SH3RF3: variants seen among roughly 807,000 people sequenced by gnomAD.
The protein encoded by SH3RF3 is SH3 domain containing ring finger 3, also known as E3 ubiquitin-protein ligase SH3RF3.
A neutral mutation model predicts 66.3 loss-of-function variants in SH3RF3; 29 were observed. That is an observed-to-expected ratio of 0.44 (90% confidence interval 0.33 to 0.60). The LOEUF is 0.60. SH3RF3 is among the 20% of genes least tolerant of loss of function. The pLI is 0.04. For synonymous variants in SH3RF3, 583 were observed against 532.0 expected (o/e 1.10, Z -1.32); for missense variants, 1,194 against 1,190.9 (o/e 1.00, Z -0.04).
intron 1 of SH3RF3, among the ~76,000 whole-genome samples, chr2:109,323,143 C>T (rs576290160): frequency 2.0e-5 from 3 of 152,246 alleles, no homozygotes; most frequent in East Asian, 1.9e-4. Context: ...AGAGAGGCCT[C>T]GGCTTCCAGA....
At chr2:109,405,232 A>T (rs1676423503) in intron 4 of SH3RF3, among the ~76,000 whole-genome samples, 1 of 152,088 alleles carries the variant, frequency 6.6e-6, no homozygotes, top group African/African-American at 2.4e-5. Context: ...GGAGCAACCG[A>T]TGACACCCCT....
chr2:109,199,116 T>C (rs1419721808), intron 1 of SH3RF3, among the ~76,000 whole-genome samples: 2 of 151,786 alleles, frequency 1.3e-5, no homozygotes, highest in African/African-American at 2.4e-5. Flanking sequence ...TCCCAGCACT[T>C]TGGGAGGCTG....
At chr2:109,169,768 A>G (rs1677717433) in intron 1 of SH3RF3, among the ~76,000 whole-genome samples, 1 of 152,026 alleles carries the variant, frequency 6.6e-6, no homozygotes, top group Non-Finnish European at 1.5e-5. Context: ...ACACACACAC[A>G]CACATGACCC....
At chr2:109,200,646 C>A (rs1287387313) in intron 1 of SH3RF3, among the ~76,000 whole-genome samples, 1 of 152,152 alleles carries the variant, frequency 6.6e-6, no homozygotes, top group African/African-American at 2.4e-5. Context: ...CCTGCCCCAC[C>A]CCTACCTGGC....
intron 1 of SH3RF3, among the ~76,000 whole-genome samples, chr2:109,304,244 C>T (rs973685791): frequency 2.6e-5 from 4 of 152,198 alleles, no homozygotes; most frequent in Non-Finnish European, 5.9e-5. Context: ...ACCAACACCT[C>T]CCCATTCCAA....
chr2:109,369,342 C>T (rs1239860857), intron 2 of SH3RF3, among the ~76,000 whole-genome samples: 2 of 151,932 alleles, frequency 1.3e-5, no homozygotes, highest in Admixed American at 6.6e-5. Flanking sequence ...CACAAGACTC[C>T]GTCTAAAAAA....
chr2:109,352,209 TC>T (rs1259459374), intron 2 of SH3RF3, among the ~76,000 whole-genome samples: 4 of 152,236 alleles, frequency 2.6e-5, no homozygotes, highest in Admixed American at 6.5e-5. Context: ...GTCTGCCCTC[TC>T]CTTTCTTCCT....
At position 109,469,727 on chromosome 2, in the gene SH3RF3, G is replaced by C. The variant is rs1034025724; in HGVS notation, c.2148+20238G>C. Among the ~76,000 whole-genome samples the C allele has an allele frequency of 3.3e-5, 5 of 152,298 alleles. No individual in the cohort carries two copies. The East Asian group carries it at 5.8e-4, about 18-fold the overall frequency. On this transcript the variant is annotated intron_variant, in intron 8 of 9. Transcript: ENST00000309415. The stretch of plus-strand genomic sequence containing the variant: ...AATAAGTCTGGCAGAACGCTGAAAA[G>C]CTTAACCATTATGTTTTTGCTGAAC...
intron 8 of SH3RF3, among the ~76,000 whole-genome samples, chr2:109,478,977 C>G (rs927707822): frequency 5.9e-5 from 9 of 152,202 alleles, no homozygotes; most frequent in Non-Finnish European, 1.0e-4. Context: ...CTGAGAGAAC[C>G]TGCAGGTTTC....
chr2:109,354,292 C>T (rs1330395737), intron 2 of SH3RF3, among the ~76,000 whole-genome samples: 1 of 152,212 alleles, frequency 6.6e-6, no homozygotes, highest in Non-Finnish European at 1.5e-5. Context: ...CATCACCCTG[C>T]AGGCCCAGAG....
intron 5 of SH3RF3, among the ~76,000 whole-genome samples, chr2:109,424,563 G>A (rs141677738): frequency 3.4e-4 from 52 of 152,290 alleles, no homozygotes; most frequent in African/African-American, 1.1e-3. Context: ...TGCTCACTTC[G>A]AGTCTCTGTG....
chr2:109,214,882 C>G (rs762158271), intron 1 of SH3RF3, among the ~76,000 whole-genome samples: 1 of 152,178 alleles, frequency 6.6e-6, no homozygotes, highest in Non-Finnish European at 1.5e-5. Flanking sequence ...TTTGGGAGAT[C>G]TGAGACTTGG....
At chr2:109,432,707 G>A in intron 6 of SH3RF3, 36 bp downstream of exon 6, 1 of 1,594,128 alleles carries the variant, frequency 6.3e-7, no homozygotes, top group South Asian at 1.2e-5. Context: ...GGCAAGGAGA[G>A]GGCAAGGGCC....
intron 8 of SH3RF3, among the ~76,000 whole-genome samples, chr2:109,478,748 TGCGACGG>T (rs1351725795): frequency 6.6e-6 from 1 of 152,176 alleles, no homozygotes; most frequent in Non-Finnish European, 1.5e-5. Flanking sequence ...TCAGAGGCCA[TGCGACGG>T]GCTTATCATA....
chr2:109,254,477 G>A (rs1680173041), intron 1 of SH3RF3, among the ~76,000 whole-genome samples: 1 of 152,212 alleles, frequency 6.6e-6, no homozygotes, highest in Admixed American at 6.5e-5. Context: ...CACATTGCAT[G>A]TAAATGTTAC....
At chr2:109,285,043 T>G (rs1468801355) in intron 1 of SH3RF3, among the ~76,000 whole-genome samples, 1 of 152,142 alleles carries the variant, frequency 6.6e-6, no homozygotes, top group East Asian at 1.9e-4. Context: ...GGGCCTCTGC[T>G]CCATGGCCGG....
intron 9 of SH3RF3, among the ~76,000 whole-genome samples, chr2:109,494,092 T>G (rs538720114): frequency 6.6e-6 from 1 of 152,338 alleles, no homozygotes; most frequent in South Asian, 2.1e-4. Flanking sequence ...GCTGTTCTCA[T>G]GTCTCCCCTA....
At chr2:109,266,257 G>A (rs1431820237) in intron 1 of SH3RF3, among the ~76,000 whole-genome samples, 1 of 151,568 alleles carries the variant, frequency 6.6e-6, no homozygotes, top group Non-Finnish European at 1.5e-5. Context: ...TGCTGTGTGT[G>A]TTGTGCGTGC....
chr2:109,203,309 A>G (rs1397288925), intron 1 of SH3RF3, among the ~76,000 whole-genome samples: 1 of 152,200 alleles, frequency 6.6e-6, no homozygotes, highest in Non-Finnish European at 1.5e-5. Flanking sequence ...TCTCAGGTGG[A>G]CGCAGCAGAC....
Sources: allele counts gnomAD v4.1 joint callset (sites outside exome capture counted in the v4.1 genomes callset), GRCh38; gene constraint gnomAD v4.1.1; transcripts MANE v1.5; gene names NCBI Gene and HGNC (gene_info 2026-07-23, HGNC 2026-07-21).